The following KCNQ1 variants were observed in gnomAD, a reference collection of about 807,000 sequenced individuals.
KCNQ1 encodes the protein potassium voltage-gated channel subfamily KQT member 1.
In KCNQ1, 49 loss-of-function variants were observed where a neutral mutation model predicts 72.4. The observed-to-expected ratio is 0.68, with a 90% CI of 0.54 to 0.86. The LOEUF (loss-of-function observed/expected upper bound fraction) is 0.86. Among genes scored for constraint, KCNQ1 ranks in the 40% least tolerant of loss-of-function variants. The pLI is 0.00. For synonymous variants in KCNQ1, 450 were observed against 412.6 expected (o/e 1.09, Z -1.10); for missense variants, 790 against 945.1 (o/e 0.84, Z 2.15).
At chr11:2,790,554 C>A (rs559339816) in intron 15 of KCNQ1, among the ~76,000 whole-genome samples, 3 of 152,338 alleles carry the variant, frequency 2.0e-5, no homozygotes, top group South Asian at 4.1e-4. Flanking sequence ...CCATCCCACA[C>A]AGGGCAAAAG....
intron 10 of KCNQ1, chr11:2,639,142 C>A (rs1214278798): frequency 5.9e-5 from 9 of 152,078 alleles, no homozygotes; most frequent in Admixed American, 2.0e-4. Flanking sequence ...TTTTTAGCTT[C>A]TTTGCTTTGG....
Position 2,613,691 on chromosome 11 carries a change from A to C in KCNQ1, c.1393+24837A>C, listed in dbSNP as rs1212740287. Reference sequence around the variant, plus strand: ...CCTCAGAAGTGGTCCCTATCTTGTTAATTTTATTTTTTGAATACATATAAC... The same window carrying C: ...CCTCAGAAGTGGTCCCTATCTTGTTCATTTTATTTTTTGAATACATATAAC... On this transcript the variant is annotated intron_variant, in intron 10 of 15. Transcript: ENST00000155840. The surrounding 1 kb of genome is among the most constrained non-coding windows in gnomAD (Gnocchi z 4.8). 24 of 398,388 alleles carry C rather than the reference A, an allele frequency of 6.0e-5. No individual in the cohort carries two copies. Among genetic ancestry groups the C allele is most frequent in the Non-Finnish European group, 1.0e-4 (23 of 226,018 alleles). The allele number at this position is 398,388 out of a possible 1,614,324, so 24.7% of individuals were successfully genotyped here.
At chr11:2,802,965 A>AC (rs1398255465) in intron 15 of KCNQ1, among the ~76,000 whole-genome samples, 1 of 152,202 alleles carries the variant, frequency 6.6e-6, no homozygotes, top group East Asian at 1.9e-4. Flanking sequence ...TGCCCTGGCC[A>AC]CCACAGGGCA....
chr11:2,842,701 G>A (rs780911841), intron 15 of KCNQ1, among the ~76,000 whole-genome samples: 1 of 152,218 alleles, frequency 6.6e-6, no homozygotes, highest in Non-Finnish European at 1.5e-5. Context: ...CCTCCCGTGT[G>A]CACAGCAGTG....
chr11:2,563,918 C>T lies in KCNQ1; in HGVS notation c.478-6710C>T, dbSNP rs1848209572. The stretch of plus-strand genomic sequence containing the variant: ...AACAATAGTCAGTGAAGATTAAGAA[C>T]TAAAGGCTCAAGGACAGCTACAGAT... On this transcript the variant is annotated intron_variant, in intron 2 of 15. Transcript: ENST00000155840. The surrounding 1 kb of genome is among the most constrained non-coding windows in gnomAD (Gnocchi z 7.4). Among the ~76,000 whole-genome samples, 1 of 152,222 alleles carries T rather than the reference C, an allele frequency of 6.6e-6. No individual in the cohort carries two copies. The highest frequency in any genetic ancestry group is 1.5e-5 in the Non-Finnish European group (1 of 68,038).
In KCNQ1 at chr11:2,563,926, TCAAGGACAGCTACAGATGAC is replaced by T. The variant is rs1848209724; in HGVS notation, c.478-6699_478-6680del. ...TCAGTGAAGATTAAGAACTAAAGGC[TCAAGGACAGCTACAGATGAC>T]CACAGCTGGAGTGCGGCAGATACTC... On this transcript the variant is annotated intron_variant, in intron 2 of 15. Transcript: ENST00000155840. The surrounding 1 kb of genome is among the most constrained non-coding windows in gnomAD (Gnocchi z 7.4). Among the ~76,000 whole-genome samples the T allele has an allele frequency of 6.6e-6, 1 of 152,206 alleles. No homozygotes were observed. The highest frequency in any genetic ancestry group is 1.5e-5 in the Non-Finnish European group (1 of 68,038).
At position 2,654,205 on chromosome 11, in the gene KCNQ1, C is replaced by T. The variant is rs1849801544; in HGVS notation, c.1394-7756C>T. The T allele has an allele frequency of 5.0e-6, 2 of 398,674 alleles. No individual in the cohort carries two copies. Among genetic ancestry groups the T allele is most frequent in the African/African-American group, 2.1e-5 (1 of 48,614 alleles). The allele number at this position is 398,674 out of a possible 1,614,324, so 24.7% of individuals were successfully genotyped here. A position where few individuals can be genotyped will look rare whatever the true frequency, so the allele number is the denominator to read the frequency against. On this transcript the variant is annotated intron_variant, in intron 10 of 15. Coordinates refer to ENST00000155840, the MANE Select transcript of KCNQ1 (RefSeq NM_000218.3). The surrounding 1 kb of genome is among the most constrained non-coding windows in gnomAD (Gnocchi z 6.4). ...GGGGCTGCGGCTCAGCAATGTCACG[C>T]AGGGCCTGGCTGCAGCTGTCCGGAT...
chr11:2,669,570 G>A lies in KCNQ1; in HGVS notation c.1514+7489G>A, dbSNP rs969981391. Reference sequence around the variant, plus strand: ...TCTGTCAGGGAGCCCTGGCCAGCTTGGGTCATTTCATCCTGCCCACAGGAC... The same window carrying A: ...TCTGTCAGGGAGCCCTGGCCAGCTTAGGTCATTTCATCCTGCCCACAGGAC... On this transcript the variant is annotated intron_variant, in intron 11 of 15. Coordinates refer to ENST00000155840, the MANE Select transcript of KCNQ1 (RefSeq NM_000218.3). This position sits in a 1 kb window ranked among gnomAD's most constrained non-coding sequence, Gnocchi z 5.6. 1 of 398,486 alleles carries A rather than the reference G, an allele frequency of 2.5e-6. No individual in the cohort carries two copies. Among genetic ancestry groups the A allele is most frequent in the Non-Finnish European group, 4.4e-6 (1 of 226,082 alleles). The allele number at this position is 398,486 out of a possible 1,614,324, so 24.7% of individuals were successfully genotyped here.
intron 7 of KCNQ1, among the ~76,000 whole-genome samples, chr11:2,584,238 CTG>C (rs1364721464): frequency 2.0e-5 from 3 of 147,906 alleles, no homozygotes; most frequent in Admixed American, 6.8e-5. Context: ...ATTTATGTAT[CTG>C]TGTCACAGGT....
chr11:2,796,705 C>T (rs762694015), intron 15 of KCNQ1, among the ~76,000 whole-genome samples: 15 of 152,192 alleles, frequency 9.9e-5, no homozygotes, highest in Non-Finnish European at 4.4e-5. Flanking sequence ...TGGACAGACC[C>T]AGGAAGACCT....
In KCNQ1 at chr11:2,497,964, A is replaced by G. The variant is rs748590676; in HGVS notation, c.387-29964A>G. ...GTCTGCTGCAGTTTGCTGGAGGTCCACTCCAGACCCTGTTTGCCTGGGTAT... is the reference window on the plus strand; with the variant it reads ...GTCTGCTGCAGTTTGCTGGAGGTCCGCTCCAGACCCTGTTTGCCTGGGTAT... On this transcript the variant is annotated intron_variant, in intron 1 of 15. Coordinates refer to ENST00000155840, the MANE Select transcript of KCNQ1 (RefSeq NM_000218.3). This position sits in a 1 kb window ranked among gnomAD's most constrained non-coding sequence, Gnocchi z 4.5. Among the ~76,000 whole-genome samples the G allele has an allele frequency of 1.3e-5, 2 of 151,986 alleles. No individual in the cohort carries two copies. The highest frequency in any genetic ancestry group is 4.8e-5 in the African/African-American group (2 of 41,362).
intron 10 of KCNQ1, chr11:2,644,554 T>C (rs1849637388): frequency 2.5e-6 from 1 of 398,432 alleles, no homozygotes; most frequent in East Asian, 3.6e-5. Context: ...TTTCATCAAT[T>C]TCTTTTTCAC....
chr11:2,634,224 G>C lies in KCNQ1; in HGVS notation c.1394-27737G>C, dbSNP rs184104991. 403 of 392,116 alleles carry C rather than the reference G, an allele frequency of 1.0e-3. 1 individual carries two copies. The highest frequency in any genetic ancestry group is 8.1e-4 in the Non-Finnish European group (182 of 223,370). The allele number at this position is 392,116 out of a possible 1,614,324, so 24.3% of individuals were successfully genotyped here. A position where few individuals can be genotyped will look rare whatever the true frequency, so the allele number is the denominator to read the frequency against. On this transcript the variant is annotated intron_variant, in intron 10 of 15. Transcript: ENST00000155840. ...TAGGGTACATGTGCACAACGTGCAG[G>C]TTTGTTACATATGTATACATGTGCC...
chr11:2,806,601 G>A (rs1034890456), intron 15 of KCNQ1, among the ~76,000 whole-genome samples: 4 of 152,168 alleles, frequency 2.6e-5, no homozygotes, highest in Non-Finnish European at 5.9e-5. Context: ...TCTGCTTTCC[G>A]AGGAGGCTGC....
intron 12 of KCNQ1, among the ~76,000 whole-genome samples, chr11:2,770,259 G>A (rs1026232365): frequency 6.6e-6 from 1 of 152,196 alleles, no homozygotes; most frequent in Non-Finnish European, 1.5e-5. Flanking sequence ...TCACAGGGCG[G>A]TCTGGGTGCA....
At chr11:2,616,317 CTT>C (rs966547039) in intron 10 of KCNQ1, 1 of 396,904 alleles carries the variant, frequency 2.5e-6, no homozygotes, top group Non-Finnish European at 4.4e-6. Context: ...AGGTTTTCAA[CTT>C]TGATCTTTTC....
At chr11:2,589,424 G>A (rs947492385) in intron 10 of KCNQ1, among the ~76,000 whole-genome samples, 9 of 152,236 alleles carry the variant, frequency 5.9e-5, no homozygotes, top group Admixed American at 3.9e-4. Context: ...TACCTTCTGC[G>A]GGACCTGACG....
rs1216450840 is a variant in KCNQ1 at position 2,677,802 on chromosome 11, A to G, written c.1514+15721A>G. On this transcript the variant is annotated intron_variant, in intron 11 of 15. Transcript: ENST00000155840. The surrounding 1 kb of genome is among the most constrained non-coding windows in gnomAD (Gnocchi z 4.5). ...TCCCCCCATTTCCAGCAGGATTAAA[A>G]TGTTCATTTATGTTGTGATAGATAC... 3 of 398,374 alleles carry G rather than the reference A, an allele frequency of 7.5e-6. No individual in the cohort carries two copies. The highest frequency in any genetic ancestry group is 1.3e-5 in the Non-Finnish European group (3 of 226,038). 24.7% of individuals were successfully genotyped at this position (398,374 alleles called of 1,614,324 possible). A position where few individuals can be genotyped will look rare whatever the true frequency, so the allele number is the denominator to read the frequency against.
At chr11:2,761,246 C>G (rs975596320) in intron 11 of KCNQ1, among the ~76,000 whole-genome samples, 1 of 152,114 alleles carries the variant, frequency 6.6e-6, no homozygotes, top group African/African-American at 2.4e-5. Flanking sequence ...ATCGTTCCTC[C>G]GGTCAATGGT....
Sources: allele counts gnomAD v4.1 joint callset (sites outside exome capture counted in the v4.1 genomes callset), GRCh38; gene constraint gnomAD v4.1.1; non-coding constraint Gnocchi (gnomAD v3.1); transcripts MANE v1.5; gene names NCBI Gene and HGNC (gene_info 2026-07-23, HGNC 2026-07-21).